RP1: variants seen among roughly 807,000 people sequenced by gnomAD.
The protein encoded by RP1 is oxygen-regulated protein 1.
In RP1, 16 loss-of-function variants were observed where a neutral mutation model predicts 14.8. That is an observed-to-expected ratio of 1.08 (90% CI 0.73 to 1.65). The LOEUF is 1.65. Among genes scored for constraint, RP1 ranks in the 40% most tolerant of loss-of-function variants. The probability of loss-of-function intolerance (pLI) is 0.00; values close to 1 mark genes in which losing one functional copy is unlikely to be tolerated. For synonymous variants in RP1, 876 were observed against 883.6 expected (o/e 0.99, Z 0.15); for missense variants, 2,631 against 2,535.0 (o/e 1.04, Z -0.81).
Position 54,823,073 on chromosome 8 carries a change from C to T in RP1, c.3616-14377C>T, listed in dbSNP as rs555572870. On this transcript the variant is annotated intron_variant, in intron 24 of 28. Coordinates refer to the RP1 transcript ENST00000637698. ...AGTACAATGTGTGTGCATAGTTCTA[C>T]GTTGTTTTATCAGGTGTATAGCACT... is the stretch of plus-strand genomic sequence containing the variant. 5.1e-4 allele frequency among the ~76,000 whole-genome samples: 78 copies of T among 152,148 alleles called. 2 individuals are homozygous for T. The South Asian group carries it at 0.015, about 29-fold the overall frequency.
At chr8:54,735,020 CT>C (rs1438132041) in intron 18 of RP1, among the ~76,000 whole-genome samples, 1 of 151,956 alleles carries the variant, frequency 6.6e-6, no homozygotes, top group Non-Finnish European at 1.5e-5. Context: ...AAACTGTCAA[CT>C]TCAACTCAAT....
intron 12 of RP1, among the ~76,000 whole-genome samples, chr8:54,685,101 A>G (rs775678927): frequency 6.6e-6 from 1 of 152,088 alleles, no homozygotes; most frequent in Non-Finnish European, 1.5e-5. Context: ...ATTTTTTTCA[A>G]AAAACCAGCT....
chr8:54,703,721 G>C (rs1431707449), intron 14 of RP1, among the ~76,000 whole-genome samples: 2 of 152,176 alleles, frequency 1.3e-5, no homozygotes, highest in Non-Finnish European at 2.9e-5. Context: ...ATAGAAGGCT[G>C]TTTTATTTAC....
chr8:54,592,860 T>C (rs972485972), intron 1 of RP1, among the ~76,000 whole-genome samples: 2 of 152,188 alleles, frequency 1.3e-5, no homozygotes, highest in Non-Finnish European at 2.9e-5. Context: ...CGGCACCAGC[T>C]GTGTCTGTTC....
At chr8:54,816,001 A>G (rs1242975511) in intron 24 of RP1, among the ~76,000 whole-genome samples, 2 of 152,190 alleles carry the variant, frequency 1.3e-5, no homozygotes. Flanking sequence ...TCTGAGCCTT[A>G]CAGATCTCTT....
intron 24 of RP1, among the ~76,000 whole-genome samples, chr8:54,825,322 G>A (rs73604923): frequency 0.31 from 47,854 of 151,962 alleles, 7,702 homozygotes; most frequent in South Asian, 0.37. Flanking sequence ...GTTTTGCAAG[G>A]CAAAACTGCC....
intron 1 of RP1, among the ~76,000 whole-genome samples, chr8:54,585,749 A>C (rs1265704757): frequency 6.6e-6 from 1 of 151,940 alleles, no homozygotes; most frequent in Non-Finnish European, 1.5e-5. Context: ...CATTCATTTA[A>C]TCTTCCATCA....
In RP1 at chr8:54,660,559, G is replaced by C. The variant is rs138272074; in HGVS notation, c.1172-3140G>C. Among the ~76,000 whole-genome samples the C allele has an allele frequency of 3.1e-3, 474 of 152,212 alleles. 5 individuals carry two copies. The highest frequency in any genetic ancestry group is 0.011 in the African/African-American group (453 of 41,552). On this transcript the variant is annotated intron_variant, in intron 6 of 22. Transcript: ENST00000636932. ...CATGCTGTATGTGCTGGGGGTAGGA[G>C]GGGGAGCTTCAGCATGTAAAATGCC...
At chr8:54,659,545 G>A (rs1400876056) in intron 6 of RP1, among the ~76,000 whole-genome samples, 1 of 151,982 alleles carries the variant, frequency 6.6e-6, no homozygotes, top group Admixed American at 6.6e-5. Flanking sequence ...CTGTATAATC[G>A]AGGGCTTTTT....
intron 24 of RP1, among the ~76,000 whole-genome samples, chr8:54,792,177 A>G (rs1297439128): frequency 6.6e-6 from 1 of 152,000 alleles, no homozygotes; most frequent in Non-Finnish European, 1.5e-5. Flanking sequence ...ATATTTATGT[A>G]CCCAACACTG....
At chr8:54,754,775 A>G (rs1809458273) in intron 19 of RP1, 1 of 1,480,092 alleles carries the variant, frequency 6.8e-7, no homozygotes, top group Non-Finnish European at 8.9e-7. Flanking sequence ...AGATGACACA[A>G]TTTGGTCATT....
chr8:54,580,994 T>C (rs56150231), intron 1 of RP1, among the ~76,000 whole-genome samples: 44,944 of 151,130 alleles, frequency 0.3, 7,946 homozygotes, highest in Non-Finnish European at 0.41. Context: ...TTCTTTTTAT[T>C]TATTTATCTA....
At chr8:54,792,298 T>G (rs1010765670) in intron 24 of RP1, among the ~76,000 whole-genome samples, 1 of 151,902 alleles carries the variant, frequency 6.6e-6, no homozygotes, top group Non-Finnish European at 1.5e-5. Context: ...CAATGACGGA[T>G]AGATCATCCA....
intron 25 of RP1, among the ~76,000 whole-genome samples, chr8:54,843,557 T>A (rs1008386621): frequency 1.3e-5 from 2 of 152,186 alleles, no homozygotes; most frequent in African/African-American, 4.8e-5. Flanking sequence ...GTTCCTGAGA[T>A]CTGATTTTTT....
At chr8:54,575,395 T>A (rs945970177) in intron 1 of RP1, among the ~76,000 whole-genome samples, 61 of 152,194 alleles carry the variant, frequency 4.0e-4, no homozygotes, top group African/African-American at 1.2e-3. Flanking sequence ...ATTTTTTTTT[T>A]AATTTTTAGT....
chr8:54,625,401 A>C lies in RP1; in HGVS notation c.1519A>C (p.Lys507Gln). 1 of 1,614,068 alleles carries C rather than the reference A, an allele frequency of 6.2e-7. No individual in the cohort carries two copies. The highest frequency in any genetic ancestry group is 1.3e-5 in the African/African-American group (1 of 75,060). The change falls in exon 4 of 4, where the codon AAA becomes CAA. Residue 507 changes from lysine (K) to glutamine (Q), a missense_variant. Transcript: ENST00000220676. Reference protein sequence around the residue: ...EYHMFTHSCSKMSSVSNKPVL... With the variant: ...EYHMFTHSCSQMSSVSNKPVL... ...TCACATGTTTACACATTCTTGCAGT[A>C]AAATGTCATCAGTATCTAACAAACC...
At chr8:54,797,644 T>C (rs547649919) in intron 24 of RP1, among the ~76,000 whole-genome samples, 34 of 152,212 alleles carry the variant, frequency 2.2e-4, no homozygotes, top group Non-Finnish European at 3.8e-4. Context: ...ATCCTTCCAA[T>C]TTCAGATAAC....
intron 25 of RP1, among the ~76,000 whole-genome samples, chr8:54,849,517 G>A (rs1812009452): frequency 6.6e-6 from 1 of 152,054 alleles, no homozygotes; most frequent in African/African-American, 2.4e-5. Context: ...AAAAAATTCT[G>A]TGCTTGCTAC....
Position 54,625,561 on chromosome 8 carries a change from T to C in RP1, c.1679T>C (p.Met560Thr), listed in dbSNP as rs1277932379. ...ATTACAAGTCAGAAGATGTTAGAGA[T>C]GTCACATAATAATGGTTTGCCATCA... ...IEITSQKMLEMSHNNGLPSTI... is the reference protein window; with the variant it reads ...IEITSQKMLETSHNNGLPSTI... Residue 560 changes from methionine (M) to threonine (T), a missense_variant, in exon 4 of 4, where the codon ATG (methionine) becomes ACG (threonine). Coordinates refer to ENST00000220676, the MANE Select transcript of RP1 (RefSeq NM_006269.2). 1 of 1,613,976 alleles carries C rather than the reference T, an allele frequency of 6.2e-7. No individual in the cohort carries two copies. The highest frequency in any genetic ancestry group is 8.5e-7 in the Non-Finnish European group (1 of 1,180,012).
Sources: gnomAD v4.1 joint callset for allele counts (sites outside exome capture counted in the v4.1 genomes callset) on GRCh38, gnomAD v4.1.1 for gene constraint, MANE v1.5 for transcripts, NCBI Gene and HGNC (gene_info 2026-07-23, HGNC 2026-07-21) for gene names.